KHDRBS2: variants seen among roughly 807,000 people sequenced by gnomAD.
KHDRBS2 encodes the protein KH domain-containing, RNA-binding, signal transduction-associated protein 2.
Under a neutral mutation model 44.3 loss-of-function variants are expected in KHDRBS2, and 26 were observed. The ratio of observed to expected loss-of-function variants is 0.59; its 90% CI spans 0.43 to 0.81. The LOEUF is 0.81. KHDRBS2 is among the 40% of genes least tolerant of loss of function. The pLI is 0.00. For synonymous variants in KHDRBS2, 194 were observed against 151.1 expected, an observed-to-expected ratio of 1.28 and a Z score of -2.08; for missense variants, 476 against 433.1, an observed-to-expected ratio of 1.10 and a Z score of -0.88.
intron 6 of KHDRBS2, among the ~76,000 whole-genome samples, chr6:61,776,856 C>A (rs1295456274): frequency 6.6e-6 from 1 of 152,126 alleles, no homozygotes; most frequent in Non-Finnish European, 1.5e-5. Flanking sequence ...TATAGTGGCA[C>A]TATTCACAAT....
intron 1 of KHDRBS2, among the ~76,000 whole-genome samples, chr6:62,185,230 C>T (rs1342199533): frequency 6.6e-6 from 1 of 151,852 alleles, no homozygotes; most frequent in Non-Finnish European, 1.5e-5. Flanking sequence ...ATCGTTATAG[C>T]CTCGGTTATT....
At chr6:62,030,991 G>C (rs927420880) in intron 3 of KHDRBS2, among the ~76,000 whole-genome samples, 6 of 151,938 alleles carry the variant, frequency 3.9e-5, no homozygotes, top group Admixed American at 2.6e-4. Context: ...ACAACAACAG[G>C]GATGACCCTC....
intron 2 of KHDRBS2, among the ~76,000 whole-genome samples, chr6:62,152,540 T>C (rs543439593): frequency 1.3e-5 from 2 of 152,256 alleles, no homozygotes; most frequent in East Asian, 3.9e-4. Context: ...AGAATATAAA[T>C]GACAAAAAAT....
intron 4 of KHDRBS2, among the ~76,000 whole-genome samples, chr6:61,929,524 C>G (rs902161916): frequency 6.6e-6 from 1 of 152,026 alleles, no homozygotes; most frequent in Non-Finnish European, 1.5e-5. Flanking sequence ...TTAGTAAGAC[C>G]CCCCTCAGTC....
At chr6:61,578,095 G>A in the KHDRBS2 span, among the ~76,000 whole-genome samples, 1 of 152,110 alleles carries the variant, frequency 6.6e-6, no homozygotes, top group African/African-American at 2.4e-5. Context: ...AAAAAAGGCT[G>A]AATGTTAAAC....
At chr6:61,553,290 A>G in the KHDRBS2 span, among the ~76,000 whole-genome samples, 2 of 152,110 alleles carry the variant, frequency 1.3e-5, no homozygotes, top group Non-Finnish European at 2.9e-5. Context: ...TTGTGTGTAT[A>G]GAGGTATTTG....
At chr6:62,018,154 T>A (rs979058761) in intron 3 of KHDRBS2, among the ~76,000 whole-genome samples, 1 of 150,892 alleles carries the variant, frequency 6.6e-6, no homozygotes, top group African/African-American at 2.4e-5. Context: ...TTACTACTTT[T>A]TTTTTTGAGA....
At chr6:61,790,482 A>C (rs1490384319) in intron 6 of KHDRBS2, among the ~76,000 whole-genome samples, 1 of 151,256 alleles carries the variant, frequency 6.6e-6, no homozygotes, top group Non-Finnish European at 1.5e-5. Flanking sequence ...TGGCAATTCA[A>C]CTTAACAAGC....
intron 3 of KHDRBS2, among the ~76,000 whole-genome samples, chr6:62,024,247 A>G (rs1782879002): frequency 6.6e-6 from 1 of 151,504 alleles, no homozygotes; most frequent in Admixed American, 6.6e-5. Flanking sequence ...AATATTCAAA[A>G]TAATTAAATC....
chr6:61,546,702 A>G, the KHDRBS2 span, among the ~76,000 whole-genome samples: 1 of 152,142 alleles, frequency 6.6e-6, no homozygotes, highest in East Asian at 1.9e-4. Context: ...TGGTGGGGTA[A>G]ATCAAAGAAT....
chr6:62,190,148 T>C (rs1824297515), intron 1 of KHDRBS2, among the ~76,000 whole-genome samples: 1 of 152,082 alleles, frequency 6.6e-6, no homozygotes, highest in Non-Finnish European at 1.5e-5. Context: ...CAGGAAAATG[T>C]AGATCACAAG....
chr6:61,723,016 G>T (rs535890557), intron 7 of KHDRBS2, among the ~76,000 whole-genome samples: 1 of 152,194 alleles, frequency 6.6e-6, no homozygotes, highest in South Asian at 2.1e-4. Context: ...AGAAGCAGAG[G>T]AAGAAGCAGG....
chr6:61,826,135 C>CA (rs1790821318), intron 6 of KHDRBS2, among the ~76,000 whole-genome samples: 1 of 152,076 alleles, frequency 6.6e-6, no homozygotes, highest in African/African-American at 2.4e-5. Flanking sequence ...ACCTGGTCTT[C>CA]ATGTAAAGAA....
intron 1 of KHDRBS2, among the ~76,000 whole-genome samples, chr6:62,275,321 A>G (rs1840754094): frequency 6.6e-6 from 1 of 152,046 alleles, no homozygotes; most frequent in African/African-American, 2.4e-5. Context: ...TCTTCCCACA[A>G]TTCCTTAAAG....
the KHDRBS2 span, among the ~76,000 whole-genome samples, chr6:61,628,435 G>A: frequency 2.0e-5 from 3 of 151,914 alleles, no homozygotes; most frequent in Admixed American, 2.0e-4. Flanking sequence ...ATGTCTCCCT[G>A]TTGTCCAAAC....
intron 6 of KHDRBS2, among the ~76,000 whole-genome samples, chr6:61,773,028 T>A (rs1218176428): frequency 1.3e-5 from 2 of 152,238 alleles, no homozygotes; most frequent in African/African-American, 4.8e-5. Flanking sequence ...ATTTTCTTCA[T>A]CCAGTCTATC....
chr6:61,590,700 G>T, the KHDRBS2 span, among the ~76,000 whole-genome samples: 1 of 152,080 alleles, frequency 6.6e-6, no homozygotes, highest in Non-Finnish European at 1.5e-5. Context: ...ATAAAGTACA[G>T]TCTATAAGCC....
chr6:61,866,202 G>C (rs1797768260), intron 6 of KHDRBS2, among the ~76,000 whole-genome samples: 1 of 152,200 alleles, frequency 6.6e-6, no homozygotes. Context: ...TCTCATGAGA[G>C]TCTGCCCCTA....
intron 2 of KHDRBS2, among the ~76,000 whole-genome samples, chr6:62,112,756 C>T (rs536793465): frequency 2.6e-5 from 4 of 152,120 alleles, no homozygotes; most frequent in Admixed American, 6.6e-5. Flanking sequence ...TACTGTCCAA[C>T]AAAGTGTTCA....
Sources: gnomAD v4.1 joint callset for allele counts (sites outside exome capture counted in the v4.1 genomes callset) on GRCh38, gnomAD v4.1.1 for gene constraint, MANE v1.5 for transcripts, NCBI Gene and HGNC (gene_info 2026-07-23, HGNC 2026-07-21) for gene names.